HDAC4: variants seen among roughly 807,000 people sequenced by gnomAD.
HDAC4 encodes the protein histone deacetylase 4.
A neutral mutation model predicts 135.1 loss-of-function variants in HDAC4; 16 were observed. That is an observed-to-expected ratio of 0.12 (90% CI 0.08 to 0.18). The LOEUF (loss-of-function observed/expected upper bound fraction) is 0.18. HDAC4 is among the 10% of genes least tolerant of loss of function. The pLI is 1.00. For missense variants in HDAC4, 1,143 were observed against 1,511.8 expected, an observed-to-expected ratio of 0.76 and a Z score of 4.05; for synonymous variants, 685 against 653.4, an observed-to-expected ratio of 1.05 and a Z score of -0.74.
chr2:239,070,558 G>C (rs1010965551), intron 22 of HDAC4, among the ~76,000 whole-genome samples: 1 of 152,242 alleles, frequency 6.6e-6, no homozygotes, highest in Non-Finnish European at 1.5e-5. Flanking sequence ...TCGATCCTGA[G>C]TTAATCACCA....
Position 239,245,828 on chromosome 2 carries a change from T to C in HDAC4, c.23-9164A>G, listed in dbSNP as rs564194805. Reference sequence around the variant, plus strand: ...TCTGCTGGGTGATCTACCTAACTTGTTCCTTCACGAATATCCCAACAGTCT... The same window carrying C: ...TCTGCTGGGTGATCTACCTAACTTGCTCCTTCACGAATATCCCAACAGTCT... On this transcript the variant is annotated intron_variant, in intron 2 of 26. Coordinates refer to ENST00000543185, the MANE Select transcript of HDAC4 (RefSeq NM_001378414.1). This position sits in a 1 kb window ranked among gnomAD's most constrained non-coding sequence, Gnocchi z 4.4. Among the ~76,000 whole-genome samples, 9 of 152,224 alleles carry C rather than the reference T, an allele frequency of 5.9e-5. No individual in the cohort carries two copies. Among genetic ancestry groups the C allele is most frequent in the African/African-American group, 1.9e-4 (8 of 41,456 alleles).
At chr2:239,261,932 C>G (rs1041413525) in intron 2 of HDAC4, among the ~76,000 whole-genome samples, 1 of 152,238 alleles carries the variant, frequency 6.6e-6, no homozygotes, top group African/African-American at 2.4e-5. Context: ...TCGGAGGGTC[C>G]TCGGGTTGCC....
chr2:239,274,481 T>C (rs924951875), intron 2 of HDAC4, among the ~76,000 whole-genome samples: 3 of 152,224 alleles, frequency 2.0e-5, no homozygotes. Context: ...AGGGCGCCGC[T>C]GGTCTCTAAG....
chr2:239,291,457 G>A (rs1280739371), intron 2 of HDAC4, among the ~76,000 whole-genome samples: 1 of 152,216 alleles, frequency 6.6e-6, no homozygotes, highest in African/African-American at 2.4e-5. Flanking sequence ...AGGAAGAGCT[G>A]CAGTGGGATT....
At chr2:239,227,485 G>A (rs1284577085) in intron 3 of HDAC4, among the ~76,000 whole-genome samples, 2 of 152,144 alleles carry the variant, frequency 1.3e-5, no homozygotes. Context: ...TGCAGGTCCC[G>A]CCAGCCTCAG....
At chr2:239,333,699 T>C (rs143671587) in intron 2 of HDAC4, among the ~76,000 whole-genome samples, 3 of 152,048 alleles carry the variant, frequency 2.0e-5, no homozygotes, top group African/African-American at 7.2e-5. Context: ...CAAATGAAAA[T>C]ACCATTTTTT....
At position 239,105,771 on chromosome 2, in the gene HDAC4, C is replaced by T. The variant is rs532002885; in HGVS notation, c.2112+2279G>A. On this transcript the variant is annotated intron_variant, in intron 15 of 26. Transcript: ENST00000543185. ...GTCACAGCCCCATCCACCCCATCTTCTCCTATCGGGTACCCACTCTAACCA... is the reference window on the plus strand; with the variant it reads ...GTCACAGCCCCATCCACCCCATCTTTTCCTATCGGGTACCCACTCTAACCA... Among the ~76,000 whole-genome samples, 3 of 152,326 alleles carry T rather than the reference C, an allele frequency of 2.0e-5. No homozygotes were observed. The East Asian group carries it at 5.8e-4, about 29-fold the overall frequency.
intron 2 of HDAC4, among the ~76,000 whole-genome samples, chr2:239,254,257 G>T (rs930602600): frequency 2.6e-5 from 4 of 152,062 alleles, no homozygotes; most frequent in Non-Finnish European, 5.9e-5. Context: ...AGGGAGGGAG[G>T]AAAGTCCCCT....
rs1325044991 is a variant in HDAC4 at position 239,307,326 on chromosome 2, G to C, written c.22+45352C>G. On this transcript the variant is annotated intron_variant, in intron 2 of 26. Coordinates refer to ENST00000543185, the MANE Select transcript of HDAC4 (RefSeq NM_001378414.1). This position sits in a 1 kb window ranked among gnomAD's most constrained non-coding sequence, Gnocchi z 4.8. ...CAAGAGGGTGTTCTGTTTAGAAGCA[G>C]AGAGCCGAGGAGCCGGAGGCCCCAA... Among the ~76,000 whole-genome samples the C allele has an allele frequency of 2.0e-5, 3 of 152,096 alleles. No homozygotes were observed. The highest frequency in any genetic ancestry group is 2.0e-4 in the Admixed American group (3 of 15,280).
chr2:239,301,467 C>CTTTTTT (rs368766670), intron 2 of HDAC4, among the ~76,000 whole-genome samples: 10 of 130,256 alleles, frequency 7.7e-5, no homozygotes, highest in African/African-American at 1.4e-4. Context: ...CTGGTGCTTT[C>CTTTTTT]TTTCTTTTTT....
At chr2:239,114,948 G>T in intron 13 of HDAC4, 105 bp downstream of exon 13, 1 of 1,368,068 alleles carries the variant, frequency 7.3e-7, no homozygotes. Flanking sequence ...CAGTGACCGC[G>T]CAAGGATGCC....
chr2:239,189,949 G>T lies in HDAC4; in HGVS notation c.223C>A (p.Leu75Ile), dbSNP rs1323092570. 2 of 1,609,792 alleles carry T rather than the reference G, an allele frequency of 1.2e-6. No individual in the cohort carries two copies. The highest frequency in any genetic ancestry group is 1.1e-5 in the South Asian group (1 of 91,062). The stretch of plus-strand genomic sequence containing the variant: ...TGCTGCTTCTGCTTGAGCGCCAGGA[G>T]CTCCTGCTGCAGCTGCTGCTCCCGC... ...ALREQQLQQE[L>I]LALKQKQQIQ... The change falls in exon 4 of 27, where the codon CTC (leucine) becomes ATC (isoleucine). Residue 75 changes from leucine (L) to isoleucine (I), a missense_variant. Physicochemically the swap from Leu to Ile is conservative, Grantham distance 5 (BLOSUM62 2). Transcript: ENST00000543185.
At chr2:239,195,306 C>T (rs1490325726) in intron 3 of HDAC4, among the ~76,000 whole-genome samples, 1 of 152,244 alleles carries the variant, frequency 6.6e-6, no homozygotes, top group South Asian at 2.1e-4. Context: ...CCATGCGCAC[C>T]TCCGGCCACG....
rs1008787469 is a variant in HDAC4 at position 239,308,237 on chromosome 2, G to C, written c.22+44441C>G. ...TCAGCTTAGGGACAAGAGAGCTAGA[G>C]ACCCGGGGGGGAGTCCACTGCCTTG... On this transcript the variant is annotated intron_variant, in intron 2 of 26. Coordinates refer to ENST00000543185, the MANE Select transcript of HDAC4 (RefSeq NM_001378414.1). The surrounding 1 kb of genome is among the most constrained non-coding windows in gnomAD (Gnocchi z 4.2). Among the ~76,000 whole-genome samples, 4 of 152,046 alleles carry C rather than the reference G, an allele frequency of 2.6e-5. No homozygotes were observed. Among genetic ancestry groups the C allele is most frequent in the Admixed American group, 2.6e-4 (4 of 15,278 alleles).
At position 239,163,848 on chromosome 2, in the gene HDAC4, C is replaced by T. The variant is rs777901169; in HGVS notation, c.566G>A (p.Arg189Gln). 5.0e-5 allele frequency: 81 copies of T among 1,614,050 alleles called. No individual in the cohort carries two copies. The highest frequency in any genetic ancestry group is 5.8e-5 in the Non-Finnish European group (68 of 1,180,028). The part of the protein sequence containing the change: ...VLNKKKALAH[R>Q]NLNHCISSDP... ...GCTGGAAATGCAGTGGTTCAGATTCCGGTGGGCCAGCGCCTTCTTTTTATT... is the reference window on the plus strand; with the variant it reads ...GCTGGAAATGCAGTGGTTCAGATTCTGGTGGGCCAGCGCCTTCTTTTTATT... Residue 189 changes from arginine to glutamine, a missense_variant, in exon 6 of 27, where the codon CGG becomes CAG. Around this residue, in one of 9 missense-constraint regions of HDAC4, gnomAD observed 247 missense variants for 310.0 expected, o/e 0.80. Transcript: ENST00000543185.
intron 7 of HDAC4, among the ~76,000 whole-genome samples, chr2:239,148,267 G>A (rs139919874): frequency 4.0e-4 from 61 of 152,332 alleles, no homozygotes; most frequent in African/African-American, 1.4e-3. Context: ...AGTGCAGAAG[G>A]AAGGGGCTGG....
chr2:239,301,472 T>TA (rs1418335889), intron 2 of HDAC4, among the ~76,000 whole-genome samples: 11 of 107,540 alleles, frequency 1.0e-4, no homozygotes, highest in East Asian at 2.4e-4. Context: ...GCTTTCTTTC[T>TA]TTTTTTTTTT....
intron 7 of HDAC4, among the ~76,000 whole-genome samples, chr2:239,153,938 C>T (rs2042268088): frequency 1.3e-5 from 2 of 152,232 alleles, no homozygotes; most frequent in Admixed American, 1.3e-4. Flanking sequence ...AGTGTGCCGT[C>T]TCCCATGCTG....
intron 4 of HDAC4, 54 bp from the exon 5 acceptor site, chr2:239,176,617 A>T: frequency 6.4e-7 from 1 of 1,567,772 alleles, no homozygotes; most frequent in East Asian, 2.2e-5. Context: ...ACACACACAC[A>T]GAGACCCAAT....
Sources: gnomAD v4.1 joint callset for allele counts (sites outside exome capture counted in the v4.1 genomes callset) on GRCh38, gnomAD v4.1.1 for gene constraint, gnomAD v4.1.1 regional missense constraint, Gnocchi (gnomAD v3.1) non-coding constraint, MANE v1.5 for transcripts, NCBI Gene and HGNC (gene_info 2026-07-23, HGNC 2026-07-21) for gene names.